The following KLHL25 variants were observed in gnomAD, a reference collection of about 807,000 sequenced individuals.
KLHL25 encodes kelch-like protein 25.
KLHL25 carries 41 observed loss-of-function variants against 30.0 expected under a neutral mutation model. The ratio of observed to expected loss-of-function variants is 1.37; its 90% CI spans 1.07 to 1.78. The LOEUF (loss-of-function observed/expected upper bound fraction) is 1.78, where lower values mean the gene tolerates loss of function less well. KLHL25 is among the 40% of genes most tolerant of loss of function. The pLI, the probability that KLHL25 is intolerant of heterozygous loss-of-function variation, is 0.00. For missense variants in KLHL25, 971 were observed against 824.5 expected, an observed-to-expected ratio of 1.18 and a Z score of -2.18; for synonymous variants, 399 against 355.3, an observed-to-expected ratio of 1.12 and a Z score of -1.38.
intron 2 of KLHL25, chr15:85,762,710 A>G (rs1467420743): frequency 6.6e-6 from 1 of 152,394 alleles, no homozygotes; most frequent in African/African-American, 2.4e-5. Flanking sequence ...CACAGGAACG[A>G]ATGACTGCTG....
chr15:85,793,962 T>G (rs754697098), intron 1 of KLHL25, among the ~76,000 whole-genome samples: 2 of 152,178 alleles, frequency 1.3e-5, no homozygotes, highest in Admixed American at 6.5e-5. Context: ...TTTGGGGGCT[T>G]AGAGCAGCAA....
intron 1 of KLHL25, among the ~76,000 whole-genome samples, chr15:85,777,568 G>A (rs992963136): frequency 6.6e-5 from 10 of 152,182 alleles, no homozygotes; most frequent in Non-Finnish European, 1.5e-4. Flanking sequence ...GCCTTTTCAC[G>A]TAACGCACCC....
In KLHL25 at chr15:85,767,553, A is replaced by C. The variant is rs542178161; in HGVS notation, c.*24+464T>G. On this transcript the variant is annotated intron_variant, in intron 2 of 2. Transcript: ENST00000337975. ...TAATCTGTATCTTTCCCCTATAATA[A>C]ACTGTAACTGTGAGCATAACAGCCT... Among the ~76,000 whole-genome samples the C allele has an allele frequency of 2.6e-5, 4 of 152,256 alleles. No individual in the cohort carries two copies. The South Asian group carries it at 8.3e-4, about 32-fold the overall frequency.
chr15:85,763,619 CAG>C (rs1180471294), intron 2 of KLHL25: 2 of 152,458 alleles, frequency 1.3e-5, no homozygotes, highest in African/African-American at 4.8e-5. Context: ...GCAGAGGCCA[CAG>C]TGTGCAGGGG....
chr15:85,764,855 C>T (rs1032917913), intron 2 of KLHL25, among the ~76,000 whole-genome samples: 1 of 152,254 alleles, frequency 6.6e-6, no homozygotes, highest in Non-Finnish European at 1.5e-5. Context: ...TTTCCACTCC[C>T]GTTGTCCAGA....
At position 85,794,773 on chromosome 15, in the gene KLHL25, G is replaced by T; in HGVS notation, c.-18C>A. On this transcript the variant is annotated 5_prime_UTR_variant, in exon 1 of 3. Coordinates refer to ENST00000337975, the MANE Select transcript of KLHL25 (RefSeq NM_022480.4). ...CCCGGCCTGGATACTCACTGCCGGA[G>T]ACGATCCCCGCCGCCGCCGCCGCCT... is the stretch of plus-strand genomic sequence containing the variant. 1 of 153,104 alleles carries T rather than the reference G, an allele frequency of 6.5e-6. No individual in the cohort carries two copies. The highest frequency in any genetic ancestry group is 1.9e-4 in the South Asian group (1 of 5,174). 9.5% of individuals were successfully genotyped at this position (153,104 alleles called of 1,614,324 possible). A position where few individuals can be genotyped will look rare whatever the true frequency, so the allele number is the denominator to read the frequency against.
rs750746707 is a variant in KLHL25, at chr15:85,789,135, C to G, written c.-11+5631G>C. Among the ~76,000 whole-genome samples, 1 of 150,098 alleles carries G rather than the reference C, an allele frequency of 6.7e-6. No individual in the cohort carries two copies. On this transcript the variant is annotated intron_variant, in intron 1 of 2. Coordinates refer to ENST00000337975, the MANE Select transcript of KLHL25 (RefSeq NM_022480.4). This position sits in a 1 kb window ranked among gnomAD's most constrained non-coding sequence, Gnocchi z 4.1. ...AATGGGAACAGGCAAAAAATGTAAG[C>G]AAGGCTTTTTTGTCTCCATCCTTTC... is the stretch of plus-strand genomic sequence containing the variant.
chr15:85,776,760 C>T (rs1349283714), intron 1 of KLHL25, among the ~76,000 whole-genome samples: 1 of 151,424 alleles, frequency 6.6e-6, no homozygotes, highest in African/African-American at 2.4e-5. Flanking sequence ...CCTGCCTCTA[C>T]TAAAAATACA....
At chr15:85,761,209 C>G (rs2089580133) in intron 2 of KLHL25, 198 bp from the exon 3 acceptor site, 1 of 152,232 alleles carries the variant, frequency 6.6e-6, no homozygotes, top group Admixed American at 6.5e-5. Context: ...GCAGGTGACT[C>G]AGGTGTCAAC....
At chr15:85,766,645 C>A (rs971706827) in intron 2 of KLHL25, among the ~76,000 whole-genome samples, 2 of 151,724 alleles carry the variant, frequency 1.3e-5, no homozygotes, top group Non-Finnish European at 2.9e-5. Flanking sequence ...CAAACTGCTC[C>A]CAGTGTCTCT....
intron 1 of KLHL25, among the ~76,000 whole-genome samples, chr15:85,777,298 G>C (rs964298950): frequency 6.6e-6 from 1 of 152,222 alleles, no homozygotes; most frequent in South Asian, 2.1e-4. Context: ...CGCAGCCTCT[G>C]ACAGTGCATA....
chr15:85,792,839 CCTT>C (rs1010637582), intron 1 of KLHL25, among the ~76,000 whole-genome samples: 2 of 152,142 alleles, frequency 1.3e-5, no homozygotes, highest in African/African-American at 2.4e-5. Flanking sequence ...ACCTGTGTCT[CCTT>C]CTCTCCTCTT....
chr15:85,781,511 G>A (rs575513554), intron 1 of KLHL25, among the ~76,000 whole-genome samples: 25 of 152,170 alleles, frequency 1.6e-4, no homozygotes, highest in African/African-American at 5.5e-4. Context: ...ACAAAGTTTC[G>A]TTCTTTTTGC....
rs556853518 is a variant in KLHL25, at chr15:85,775,389, A to T, written c.-10-5569T>A. Among the ~76,000 whole-genome samples, 4 of 152,284 alleles carry T rather than the reference A, an allele frequency of 2.6e-5. No homozygotes were observed. In the South Asian group the frequency reaches 8.3e-4, roughly 32 times the overall value. ...TGCCCTTATGCAGTGAACAACCTGCACAGTGATTCACGGCCACCCTGCAGG... is the reference window on the plus strand; with the variant it reads ...TGCCCTTATGCAGTGAACAACCTGCTCAGTGATTCACGGCCACCCTGCAGG... On this transcript the variant is annotated intron_variant, in intron 1 of 2. Coordinates refer to ENST00000337975, the MANE Select transcript of KLHL25 (RefSeq NM_022480.4).
intron 1 of KLHL25, among the ~76,000 whole-genome samples, chr15:85,791,947 G>A (rs2089820202): frequency 1.3e-5 from 2 of 152,260 alleles, no homozygotes; most frequent in South Asian, 4.2e-4. Context: ...TTAACAGGGA[G>A]CCCTTCCTAT....
chr15:85,761,697 C>G (rs2089584182), intron 2 of KLHL25: 1 of 152,288 alleles, frequency 6.6e-6, no homozygotes, highest in African/African-American at 2.4e-5. Flanking sequence ...CACTCCGAGG[C>G]CCTGAAAGGA....
chr15:85,774,126 G>A (rs146114724), intron 1 of KLHL25, among the ~76,000 whole-genome samples: 43 of 152,312 alleles, frequency 2.8e-4, no homozygotes, highest in African/African-American at 1.0e-3. Flanking sequence ...GCATGTGAGA[G>A]GGCCCAAAAG....
rs940264247 is a variant in KLHL25, at chr15:85,769,130, G to T, written c.681C>A (p.Val227=). The stretch of plus-strand genomic sequence containing the variant: ...CGCTGCGGAGGAGCTCGGGCAAGTG[G>T]ACCTTCCGTGGCTCCAGGTCGTGCT... ...WVKHDLEPRK[V]HLPELLRSVR... The change falls in exon 2 of 3, where the codon GTC becomes GTA. Residue 227 remains valine, a synonymous_variant. Coordinates refer to ENST00000337975, the MANE Select transcript of KLHL25 (RefSeq NM_022480.4). 6.2e-7 allele frequency: 1 copy of T among 1,608,072 alleles called. No homozygotes were observed. The highest frequency in any genetic ancestry group is 1.1e-5 in the South Asian group (1 of 91,002).
intron 1 of KLHL25, among the ~76,000 whole-genome samples, chr15:85,779,450 T>C (rs1352109917): frequency 1.3e-5 from 2 of 152,244 alleles, no homozygotes; most frequent in East Asian, 3.9e-4. Flanking sequence ...TAGATACACA[T>C]GTGGTATTAA....
Sources: gnomAD v4.1 joint callset for allele counts (sites outside exome capture counted in the v4.1 genomes callset) on GRCh38, gnomAD v4.1.1 for gene constraint, Gnocchi (gnomAD v3.1) non-coding constraint, MANE v1.5 for transcripts, NCBI Gene and HGNC (gene_info 2026-07-23, HGNC 2026-07-21) for gene names.